BABAM2: variants seen among roughly 807,000 people sequenced by gnomAD.
The protein encoded by BABAM2 is BRISC and BRCA1-A complex member 2.
A neutral mutation model predicts 54.7 loss-of-function variants in BABAM2; 31 were observed. The observed-to-expected ratio is 0.57, with a 90% confidence interval of 0.43 to 0.77. The LOEUF is 0.77. BABAM2 is among the 30% of genes least tolerant of loss of function. BABAM2 has a pLI of 0.00. For missense variants in BABAM2, 364 were observed against 455.8 expected, an observed-to-expected ratio of 0.80 and a Z score of 1.83; for synonymous variants, 167 against 162.9, an observed-to-expected ratio of 1.03 and a Z score of -0.19.
At chr2:28,053,387 C>T (rs929270964) in intron 6 of BABAM2, among the ~76,000 whole-genome samples, 2 of 152,064 alleles carry the variant, frequency 1.3e-5, no homozygotes, top group Non-Finnish European at 2.9e-5. Flanking sequence ...CACACAGAAC[C>T]GTCATCTTCT....
intron 7 of BABAM2, among the ~76,000 whole-genome samples, chr2:28,132,686 C>G (rs1670191320): frequency 6.6e-6 from 1 of 152,122 alleles, no homozygotes; most frequent in Admixed American, 6.5e-5. Context: ...CCATCTCTAC[C>G]AACCATTTTC....
At chr2:28,067,609 A>T (rs879279335) in intron 6 of BABAM2, among the ~76,000 whole-genome samples, 73 of 152,346 alleles carry the variant, frequency 4.8e-4, no homozygotes, top group Non-Finnish European at 7.3e-4. Flanking sequence ...TGAGTGTGGA[A>T]TGCCAGATTA....
chr2:28,014,170 G>A (rs772181561), intron 4 of BABAM2, among the ~76,000 whole-genome samples: 4 of 152,070 alleles, frequency 2.6e-5, no homozygotes, highest in Non-Finnish European at 1.5e-5. Flanking sequence ...CATACAGGAT[G>A]GGGGGAGGTA....
chr2:28,193,148 C>T (rs748944545), intron 7 of BABAM2, among the ~76,000 whole-genome samples: 5 of 151,874 alleles, frequency 3.3e-5, no homozygotes, highest in African/African-American at 4.8e-5. Flanking sequence ...CCAACATGGG[C>T]GACATGAGCA....
intron 6 of BABAM2, among the ~76,000 whole-genome samples, chr2:28,100,453 C>T (rs866177164): frequency 9.2e-6 from 1 of 109,168 alleles, no homozygotes; most frequent in South Asian, 3.3e-4. Flanking sequence ...GAGCGAGAGA[C>T]TCTGTCTCCA....
intron 3 of BABAM2, among the ~76,000 whole-genome samples, chr2:27,938,158 C>G (rs1012491072): frequency 4.6e-5 from 7 of 152,116 alleles, no homozygotes; most frequent in African/African-American, 1.7e-4. Flanking sequence ...ATTTTAGCAA[C>G]CTTAAATCTA....
intron 6 of BABAM2, among the ~76,000 whole-genome samples, chr2:28,123,973 C>T (rs1669287995): frequency 6.6e-6 from 1 of 152,126 alleles, no homozygotes; most frequent in Admixed American, 6.5e-5. Context: ...GTTTAAAAGT[C>T]AGAAAGGGAA....
chr2:28,240,078 A>G (rs1030810573), intron 8 of BABAM2, among the ~76,000 whole-genome samples: 4 of 152,124 alleles, frequency 2.6e-5, no homozygotes, highest in African/African-American at 7.2e-5. Context: ...GACGTTCTAC[A>G]AGACTACTAG....
chr2:28,160,101 C>G (rs985699833), intron 7 of BABAM2, among the ~76,000 whole-genome samples: 4 of 152,078 alleles, frequency 2.6e-5, no homozygotes, highest in African/African-American at 9.7e-5. Flanking sequence ...CCTCCATGAG[C>G]CTTCCAAGTA....
At chr2:28,017,467 A>G (rs1312145886) in intron 4 of BABAM2, among the ~76,000 whole-genome samples, 2 of 152,208 alleles carry the variant, frequency 1.3e-5, no homozygotes, top group Non-Finnish European at 2.9e-5. Flanking sequence ...TACCTAATGC[A>G]CTATTACTAA....
At chr2:28,259,905 C>T (rs1573951189) in intron 10 of BABAM2, among the ~76,000 whole-genome samples, 1 of 146,526 alleles carries the variant, frequency 6.8e-6, no homozygotes, top group Non-Finnish European at 1.5e-5. Flanking sequence ...CTTCTGAATT[C>T]TTTTTTTTTT....
intron 3 of BABAM2, among the ~76,000 whole-genome samples, chr2:27,932,395 T>C (rs1349191320): frequency 1.3e-5 from 2 of 152,232 alleles, no homozygotes; most frequent in Non-Finnish European, 2.9e-5. Context: ...ATTATTTTAA[T>C]TTTCCCTAGG....
chr2:28,010,225 A>T (rs976962281), intron 4 of BABAM2, among the ~76,000 whole-genome samples: 4 of 152,136 alleles, frequency 2.6e-5, no homozygotes, highest in African/African-American at 9.7e-5. Flanking sequence ...AAGATCTAGG[A>T]TGGGGAACAT....
intron 10 of BABAM2, among the ~76,000 whole-genome samples, chr2:28,257,888 G>A (rs1483592268): frequency 6.6e-6 from 1 of 150,704 alleles, no homozygotes; most frequent in African/African-American, 2.4e-5. Flanking sequence ...AAAAAAGAAA[G>A]AAAAGAAGCC....
chr2:28,334,444 G>T (rs963150864), intron 11 of BABAM2, among the ~76,000 whole-genome samples: 2 of 152,264 alleles, frequency 1.3e-5, no homozygotes, highest in Middle Eastern at 3.2e-3. Flanking sequence ...CTATAGTGCA[G>T]CTCAGCTGCA....
intron 3 of BABAM2, among the ~76,000 whole-genome samples, chr2:27,942,031 TTTG>T (rs1164228151): frequency 1.3e-5 from 2 of 152,160 alleles, no homozygotes; most frequent in Admixed American, 1.3e-4. Flanking sequence ...GGCTGCTGCT[TTTG>T]TGTGTGTGTG....
chr2:28,229,371 T>C (rs1473711350), intron 7 of BABAM2, among the ~76,000 whole-genome samples: 1 of 152,228 alleles, frequency 6.6e-6, no homozygotes, highest in South Asian at 2.1e-4. Flanking sequence ...TAGGTTGATA[T>C]GAAGAATAGA....
intron 11 of BABAM2, among the ~76,000 whole-genome samples, chr2:28,326,422 C>T (rs1490917940): frequency 2.0e-5 from 3 of 152,110 alleles, no homozygotes. Context: ...AAGATAAACC[C>T]AGGGCTGGGG....
intron 6 of BABAM2, among the ~76,000 whole-genome samples, chr2:28,095,069 G>A (rs1343901215): frequency 2.6e-5 from 4 of 152,012 alleles, no homozygotes; most frequent in Non-Finnish European, 5.9e-5. Flanking sequence ...TCCTCTGTAT[G>A]CTGATATTAT....
Sources: allele counts gnomAD v4.1 joint callset (sites outside exome capture counted in the v4.1 genomes callset), GRCh38; gene constraint gnomAD v4.1.1; transcripts MANE v1.5; gene names NCBI Gene and HGNC (gene_info 2026-07-23, HGNC 2026-07-21).